NTM: variants seen among roughly 807,000 people sequenced by gnomAD.
The protein encoded by NTM is IgLON family member 2.
NTM carries 13 observed loss-of-function variants against 42.1 expected under a neutral mutation model. The observed-to-expected ratio is 0.31, with a 90% CI of 0.20 to 0.49. The LOEUF is 0.49. Among genes scored for constraint, NTM ranks in the 20% least tolerant of loss-of-function variants. NTM has a pLI of 0.99. For missense variants in NTM, 373 were observed against 452.8 expected (o/e 0.82, Z 1.60); for synonymous variants, 187 against 179.2 (o/e 1.04, Z -0.35).
At position 132,275,096 on chromosome 11, in the gene NTM, A is replaced by C. The variant is rs577227386; in HGVS notation, c.527-32593A>C. Among the ~76,000 whole-genome samples, 29 of 152,200 alleles carry C rather than the reference A, an allele frequency of 1.9e-4. No homozygotes were observed. The South Asian group carries it at 6.0e-3, about 32-fold the overall frequency. ...TAAACTTATATATAGTTTTATGGCA[A>C]GTCTAAAGATCTTTGGCTACCCTAA... is the stretch of plus-strand genomic sequence containing the variant. On this transcript the variant is annotated intron_variant, in intron 4 of 8. Coordinates refer to ENST00000683400, the MANE Select transcript of NTM (RefSeq NM_001352005.2).
chr11:132,319,004 C>G (rs2136234490), intron 7 of NTM, among the ~76,000 whole-genome samples: 4 of 152,270 alleles, frequency 2.6e-5, no homozygotes, highest in Admixed American at 2.6e-4. Context: ...GAAAATGAAA[C>G]AAAGAAATAG....
chr11:132,023,114 A>G (rs2074597355), intron 2 of NTM, among the ~76,000 whole-genome samples: 1 of 152,142 alleles, frequency 6.6e-6, no homozygotes, highest in Non-Finnish European at 1.5e-5. Flanking sequence ...TTTGATTAGG[A>G]GGCTTTGCAG....
intron 1 of NTM, among the ~76,000 whole-genome samples, chr11:131,454,167 C>T (rs1950692220): frequency 1.1e-5 from 1 of 88,080 alleles, no homozygotes; most frequent in Admixed American, 1.3e-4. Flanking sequence ...AGATCAAATT[C>T]ACCTTTATTA....
At position 131,760,220 on chromosome 11, in the gene NTM, GT is replaced by G. The variant is rs1458176719; in HGVS notation, c.83-151339del. ...AGAAGGTTCTATGGGAGAGAAATGA[GT>G]TTTTCCGGAAGCAGATGCAGGGTGA... is the stretch of plus-strand genomic sequence containing the variant. On this transcript the variant is annotated intron_variant, in intron 1 of 8. Coordinates refer to ENST00000683400, the MANE Select transcript of NTM (RefSeq NM_001352005.2). 2.0e-5 allele frequency among the ~76,000 whole-genome samples: 3 copies of G among 152,326 alleles called. No homozygotes were observed. In the East Asian group the frequency reaches 5.8e-4, roughly 29 times the overall value.
intron 2 of NTM, among the ~76,000 whole-genome samples, chr11:131,919,940 A>C (rs1226517385): frequency 6.6e-6 from 1 of 152,070 alleles, no homozygotes; most frequent in Non-Finnish European, 1.5e-5. Flanking sequence ...TCTCCTACAC[A>C]TCTGTTTAGA....
At chr11:131,860,071 C>A (rs1329389414) in intron 1 of NTM, among the ~76,000 whole-genome samples, 4 of 152,080 alleles carry the variant, frequency 2.6e-5, no homozygotes, top group Non-Finnish European at 5.9e-5. Flanking sequence ...GGGGATGATG[C>A]GTCTATATCG....
At chr11:131,989,622 A>C (rs1370260696) in intron 2 of NTM, among the ~76,000 whole-genome samples, 1 of 152,148 alleles carries the variant, frequency 6.6e-6, no homozygotes. Flanking sequence ...TGTATCAGTC[A>C]GATTGGCTAA....
chr11:131,963,310 ACT>A (rs1218679480), intron 2 of NTM, among the ~76,000 whole-genome samples: 2 of 152,178 alleles, frequency 1.3e-5, no homozygotes, highest in African/African-American at 2.4e-5. Context: ...CAGCTGGATA[ACT>A]CTGAGTTTGG....
At chr11:131,927,065 T>C (rs935749498) in intron 2 of NTM, among the ~76,000 whole-genome samples, 5 of 152,200 alleles carry the variant, frequency 3.3e-5, no homozygotes, top group Non-Finnish European at 7.3e-5. Context: ...AAATCAGAGA[T>C]GGATTAGGCC....
At chr11:131,530,396 A>G (rs2051080950) in intron 1 of NTM, among the ~76,000 whole-genome samples, 1 of 149,938 alleles carries the variant, frequency 6.7e-6, no homozygotes, top group Admixed American at 6.7e-5. Context: ...TTACTGTGAA[A>G]GTCATCTAGT....
intron 4 of NTM, among the ~76,000 whole-genome samples, chr11:132,234,187 G>A (rs190453983): frequency 1.3e-5 from 2 of 152,170 alleles, no homozygotes; most frequent in African/African-American, 2.4e-5. Flanking sequence ...TCTGCAGTTG[G>A]TTCTGGTTCT....
intron 2 of NTM, among the ~76,000 whole-genome samples, chr11:131,957,620 A>G (rs2061690787): frequency 6.6e-6 from 1 of 152,240 alleles, no homozygotes; most frequent in Non-Finnish European, 1.5e-5. Flanking sequence ...GACAATACAC[A>G]TAAAAATAAA....
At chr11:131,729,750 T>G (rs2079402954) in intron 1 of NTM, among the ~76,000 whole-genome samples, 1 of 152,298 alleles carries the variant, frequency 6.6e-6, no homozygotes, top group East Asian at 1.9e-4. Flanking sequence ...TAAAAAGCAC[T>G]TTTTTTCCTT....
chr11:131,883,911 T>C (rs1397957153), intron 1 of NTM, among the ~76,000 whole-genome samples: 1 of 152,196 alleles, frequency 6.6e-6, no homozygotes, highest in African/African-American at 2.4e-5. Flanking sequence ...GTCTTGACTT[T>C]TCTTTTATTA....
chr11:131,949,901 A>C (rs1202597996), intron 2 of NTM, among the ~76,000 whole-genome samples: 1 of 138,716 alleles, frequency 7.2e-6, no homozygotes, highest in African/African-American at 2.6e-5. Flanking sequence ...AGCTACTCAC[A>C]CTTTTCTCTT....
rs11828499 is a variant in NTM at position 132,059,244 on chromosome 11, A to C, written c.168-87038A>C. Among the ~76,000 whole-genome samples the C allele has an allele frequency of 5.4e-3, 827 of 152,194 alleles. 7 individuals carry two copies. The highest frequency in any genetic ancestry group is 0.017 in the African/African-American group (718 of 41,524). ...GGAGCTTGTCGGACACATGGGATTC[A>C]CGGGCCAGGTGGTTCAGCAGCCCAA... On this transcript the variant is annotated intron_variant, in intron 2 of 8. Coordinates refer to ENST00000683400, the MANE Select transcript of NTM (RefSeq NM_001352005.2).
intron 2 of NTM, among the ~76,000 whole-genome samples, chr11:132,031,267 T>C (rs2075882767): frequency 6.6e-6 from 1 of 152,240 alleles, no homozygotes; most frequent in African/African-American, 2.4e-5. Context: ...ACTCTTTTTG[T>C]AAAGGGAAGT....
intron 2 of NTM, among the ~76,000 whole-genome samples, chr11:131,924,358 C>T (rs2057657215): frequency 6.6e-6 from 1 of 152,156 alleles, no homozygotes; most frequent in Non-Finnish European, 1.5e-5. Context: ...CAGGTTCACT[C>T]TGTGAAGTGA....
intron 2 of NTM, among the ~76,000 whole-genome samples, chr11:132,090,316 G>C (rs764076733): frequency 6.6e-5 from 10 of 152,134 alleles, no homozygotes; most frequent in Non-Finnish European, 1.2e-4. Flanking sequence ...CTATGGCAGA[G>C]AGCGTGTTAG....
Sources: gnomAD v4.1 joint callset for allele counts (sites outside exome capture counted in the v4.1 genomes callset) on GRCh38, gnomAD v4.1.1 for gene constraint, MANE v1.5 for transcripts, NCBI Gene and HGNC (gene_info 2026-07-23, HGNC 2026-07-21) for gene names.